Variants in JAK1 observed in about 807,000 individuals in gnomAD.
JAK1 encodes tyrosine-protein kinase JAK1.
In JAK1, 16 loss-of-function variants were observed where a neutral mutation model predicts 136.6. That is an observed-to-expected ratio of 0.12 (90% CI 0.08 to 0.18). The LOEUF (loss-of-function observed/expected upper bound fraction) is 0.18, where lower values mean the gene tolerates loss of function less well. Ranked by LOEUF, JAK1 falls within the 10% of genes least tolerant of loss-of-function variation. JAK1 has a pLI of 1.00. For synonymous variants in JAK1, 492 were observed against 519.5 expected (o/e 0.95, Z 0.72); for missense variants, 859 against 1,450.1 (o/e 0.59, Z 6.62).
chr1:64,870,686 G>A (rs1315088886), intron 5 of JAK1, among the ~76,000 whole-genome samples: 1 of 152,110 alleles, frequency 6.6e-6, no homozygotes, highest in Non-Finnish European at 1.5e-5. Flanking sequence ...AAGCCTGGGA[G>A]AAGTGTTCCT....
chr1:65,006,081 A>C (rs905410223), intron 2 of JAK1, among the ~76,000 whole-genome samples: 2 of 152,248 alleles, frequency 1.3e-5, no homozygotes, highest in Non-Finnish European at 2.9e-5. Context: ...TTTCTAAGCA[A>C]GAGAGATTTT....
chr1:64,867,184 T>C lies in JAK1; in HGVS notation c.672A>G (p.Thr224=). Residue 224 remains threonine, a synonymous_variant, in exon 7 of 25, where the codon ACA becomes ACG. Transcript: ENST00000342505. The part of the protein sequence containing the change: ...DISYKRYIPE[T]LNKSIRQRNL... ...TCCTCTGTCTGATGGACTTATTCAA[T>C]GTTTCTGGAATATATCGCTTGTAGC... The C allele has an allele frequency of 6.2e-7, 1 of 1,604,128 alleles. No homozygotes were observed. Among genetic ancestry groups the C allele is most frequent in the Non-Finnish European group, 8.5e-7 (1 of 1,172,590 alleles).
intron 2 of JAK1, among the ~76,000 whole-genome samples, chr1:64,977,597 A>G (rs531130675): frequency 3.3e-5 from 5 of 151,702 alleles, no homozygotes; most frequent in Non-Finnish European, 5.9e-5. Context: ...TGCCCGGCTA[A>G]TTTTTTGTGT....
In JAK1 at chr1:64,945,495, T is replaced by C. The variant is rs117889620; in HGVS notation, c.-78+20838A>G. 4.5e-4 allele frequency among the ~76,000 whole-genome samples: 69 copies of C among 152,116 alleles called. 1 individual carries two copies. The East Asian group carries it at 7.0e-3, about 15-fold the overall frequency. Reference sequence around the variant, plus strand: ...TCTATTCACACGAGAAAATACTTGATGTACTAATAAGGAAAGAGAGGAGGA... The same window carrying C: ...TCTATTCACACGAGAAAATACTTGACGTACTAATAAGGAAAGAGAGGAGGA... On this transcript the variant is annotated intron_variant, in intron 1 of 24. Coordinates refer to ENST00000342505, the MANE Select transcript of JAK1 (RefSeq NM_002227.4).
At chr1:65,019,636 G>A (rs1646919876) in intron 2 of JAK1, among the ~76,000 whole-genome samples, 1 of 152,274 alleles carries the variant, frequency 6.6e-6, no homozygotes, top group East Asian at 1.9e-4. Context: ...AAGATGTGAG[G>A]CCGGGCATGG....
At chr1:64,933,835 G>A (rs1481386754) in intron 1 of JAK1, among the ~76,000 whole-genome samples, 3 of 152,176 alleles carry the variant, frequency 2.0e-5, no homozygotes, top group Non-Finnish European at 4.4e-5. Context: ...AAAGAATCCT[G>A]GGTTTGCCTT....
chr1:65,044,647 A>C (rs1223797427), intron 1 of JAK1, among the ~76,000 whole-genome samples: 1 of 152,160 alleles, frequency 6.6e-6, no homozygotes, highest in Non-Finnish European at 1.5e-5. Flanking sequence ...AGTAGTTCCA[A>C]TTTGGTCTTG....
intron 1 of JAK1, among the ~76,000 whole-genome samples, chr1:64,898,923 A>G (rs1645065427): frequency 1.3e-5 from 2 of 152,224 alleles, no homozygotes; most frequent in Non-Finnish European, 2.9e-5. Flanking sequence ...CATTGCACCA[A>G]AATAAATATT....
intron 1 of JAK1, among the ~76,000 whole-genome samples, chr1:65,053,030 CAAA>C (rs780968006): frequency 3.0e-4 from 13 of 43,696 alleles, no homozygotes; most frequent in African/African-American, 1.5e-3. Context: ...ACTCTTGTCT[CAAA>C]AAAAAAAAAA....
upstream of JAK1, among the ~76,000 whole-genome samples, chr1:64,967,525 G>T (rs149827810): frequency 1.6e-3 from 239 of 152,316 alleles, 1 homozygote; most frequent in Admixed American, 5.1e-3. Context: ...CCGAGGCCGT[G>T]CACGGTCAGA....
At chr1:64,962,405 T>C (rs1646297768) in intron 1 of JAK1, among the ~76,000 whole-genome samples, 1 of 152,198 alleles carries the variant, frequency 6.6e-6, no homozygotes, top group Admixed American at 6.5e-5. Flanking sequence ...GCCTCGGGAC[T>C]GGGCAGTTTA....
At chr1:65,007,311 T>C (rs1413576877) in intron 2 of JAK1, among the ~76,000 whole-genome samples, 1 of 152,216 alleles carries the variant, frequency 6.6e-6, no homozygotes, top group East Asian at 1.9e-4. Context: ...GTCTGTCTTA[T>C]TCTTGTTCTT....
chr1:64,850,079 A>C (rs1655490154), intron 12 of JAK1, among the ~76,000 whole-genome samples: 3 of 152,168 alleles, frequency 2.0e-5, no homozygotes, highest in African/African-American at 7.2e-5. Flanking sequence ...AGGCGCTGCC[A>C]TCTCCCGAGG....
chr1:64,873,302 G>A (rs530680900), intron 5 of JAK1, 68 bp downstream of exon 5: 2 of 1,575,702 alleles, frequency 1.3e-6, no homozygotes, highest in South Asian at 2.2e-5. Flanking sequence ...CTGCAGCAGG[G>A]GGTCTGAGCT....
chr1:65,049,677 G>T (rs1184082691), intron 1 of JAK1, among the ~76,000 whole-genome samples: 1 of 152,078 alleles, frequency 6.6e-6, no homozygotes, highest in Non-Finnish European at 1.5e-5. Context: ...CTTTTGTGGG[G>T]CACTAGCAAA....
chr1:64,935,068 A>C (rs1040851713), intron 1 of JAK1, among the ~76,000 whole-genome samples: 1 of 152,200 alleles, frequency 6.6e-6, no homozygotes, highest in Non-Finnish European at 1.5e-5. Flanking sequence ...AGGAATGAGG[A>C]AGCTTCTCCC....
intron 13 of JAK1, chr1:64,847,050 G>C (rs1378047056): frequency 2.1e-6 from 1 of 478,336 alleles, no homozygotes; most frequent in Non-Finnish European, 3.8e-6. Flanking sequence ...TTCAGCTCTG[G>C]GAAATACCCA....
chr1:64,957,535 G>A (rs1178057618), intron 1 of JAK1, among the ~76,000 whole-genome samples: 2 of 152,230 alleles, frequency 1.3e-5, no homozygotes, highest in Admixed American at 6.5e-5. Flanking sequence ...TGCAGGCCGG[G>A]TGCAGTGGCT....
chr1:64,973,807 T>C (rs1646474789), intron 2 of JAK1: 1 of 151,996 alleles, frequency 6.6e-6, no homozygotes, highest in Non-Finnish European at 1.5e-5. Context: ...TTCTATTGCT[T>C]AGTACCATGC....
Sources: allele counts gnomAD v4.1 joint callset (sites outside exome capture counted in the v4.1 genomes callset), GRCh38; gene constraint gnomAD v4.1.1; transcripts MANE v1.5; gene names NCBI Gene and HGNC (gene_info 2026-07-23, HGNC 2026-07-21).